Variants in ZNF12 observed in about 807,000 individuals in gnomAD.
ZNF12 encodes the protein zinc finger protein 12, also known as gonadotropin inducible transcription repressor 3.
In ZNF12, 34 loss-of-function variants were observed where a neutral mutation model predicts 66.6. The ratio of observed to expected loss-of-function variants is 0.51; its 90% CI spans 0.39 to 0.68. ZNF12 has a LOEUF of 0.68. ZNF12 is among the 30% of genes least tolerant of loss of function. ZNF12 has a pLI of 0.00. For synonymous variants in ZNF12, 320 were observed against 278.9 expected, an observed-to-expected ratio of 1.15 and a Z score of -1.47; for missense variants, 697 against 826.9, an observed-to-expected ratio of 0.84 and a Z score of 1.93.
chr7:6,694,923 C>T (rs369035585), intron 4 of ZNF12, among the ~76,000 whole-genome samples: 1 of 152,070 alleles, frequency 6.6e-6, no homozygotes, highest in Non-Finnish European at 1.5e-5. Context: ...CTTCATGCAG[C>T]GCTGTTCTCT....
In ZNF12 at chr7:6,697,655, T is replaced by A. The variant is rs780661980; in HGVS notation, c.142+30A>T. 8.7e-6 allele frequency: 14 copies of A among 1,612,848 alleles called. No homozygotes were observed. The East Asian group carries it at 3.1e-4, about 36-fold the overall frequency. On this transcript the variant is annotated intron_variant, in intron 3 of 4. Coordinates refer to ENST00000405858, the MANE Select transcript of ZNF12 (RefSeq NM_016265.4). This position sits in a 1 kb window ranked among gnomAD's most constrained non-coding sequence, Gnocchi z 6.1. ...AAATTTGTGAGAAATCCCATATATT[T>A]TAGCAACTGAGAAAGCAAGCTATCC... is the stretch of plus-strand genomic sequence containing the variant.
Position 6,692,705 on chromosome 7 carries a change from T to G in ZNF12, c.239-2A>C. Reference sequence around the variant, plus strand: ...GGTCATCAGTTTGCCAGACTTCATCTAAAGAGAGACAAAATTAATAAACTT... The same window carrying G: ...GGTCATCAGTTTGCCAGACTTCATCGAAAGAGAGACAAAATTAATAAACTT... On this transcript the variant is annotated splice_acceptor_variant, in intron 4 of 4. Transcript: ENST00000405858. LOFTEE classifies it high-confidence loss of function. The surrounding 1 kb of genome is among the most constrained non-coding windows in gnomAD (Gnocchi z 5.1). The G allele has an allele frequency of 6.4e-7, 1 of 1,555,462 alleles. No homozygotes were observed. Among genetic ancestry groups the G allele is most frequent in the Non-Finnish European group, 8.6e-7 (1 of 1,157,382 alleles).
At chr7:6,700,158 A>G (rs10226798) in intron 2 of ZNF12, among the ~76,000 whole-genome samples, 68,455 of 151,126 alleles carry the variant, frequency 0.45, 19,213 homozygotes, top group African/African-American at 0.81. Context: ...GGTGGCAGGC[A>G]CCTGTAGTCC....
At chr7:6,694,788 T>C (rs1224598098) in intron 4 of ZNF12, among the ~76,000 whole-genome samples, 2 of 152,210 alleles carry the variant, frequency 1.3e-5, no homozygotes, top group African/African-American at 4.8e-5. Flanking sequence ...TCTCAAATCC[T>C]TTCTCACCTC....
chr7:6,697,800 T>C lies in ZNF12; in HGVS notation c.27A>G (p.Ser9=). The change falls in exon 3 of 5, where the codon TCA becomes TCG. Residue 9 remains serine, a synonymous_variant. Transcript: ENST00000405858. The surrounding 1 kb of genome is among the most constrained non-coding windows in gnomAD (Gnocchi z 6.1). ...TGAAGTCCACAGCCACGTCCTTGAA[T>C]GACACTGGCCCCTGAAATGGCACCG... MNKSLGPV[S]FKDVAVDFTQ... The C allele has an allele frequency of 6.2e-7, 1 of 1,614,162 alleles. No homozygotes were observed.
At chr7:6,706,319 C>T (rs1011218812) in intron 1 of ZNF12, 113 bp downstream of exon 1, 1 of 443,038 alleles carries the variant, frequency 2.3e-6, no homozygotes, top group South Asian at 1.6e-5. Flanking sequence ...CCCAAACACA[C>T]GTCACTCCTG....
Position 6,698,565 on chromosome 7 carries a change from C to G in ZNF12, c.16-754G>C, listed in dbSNP as rs1562600762. Among the ~76,000 whole-genome samples, 1 of 152,182 alleles carries G rather than the reference C, an allele frequency of 6.6e-6. No individual in the cohort carries two copies. Among genetic ancestry groups the G allele is most frequent in the South Asian group, 2.1e-4 (1 of 4,818 alleles). On this transcript the variant is annotated intron_variant, in intron 2 of 4. Transcript: ENST00000405858. The surrounding 1 kb of genome is among the most constrained non-coding windows in gnomAD (Gnocchi z 4.4). ...TTACCAAAATAACAAACAGGCTGGG[C>G]AACACACATTCTAGTTTTTATTTTT... is the stretch of plus-strand genomic sequence containing the variant.
intron 2 of ZNF12, among the ~76,000 whole-genome samples, chr7:6,702,026 C>G (rs935177749): frequency 6.6e-6 from 1 of 151,634 alleles, no homozygotes; most frequent in Non-Finnish European, 1.5e-5. Flanking sequence ...CCTCTCCAAT[C>G]AGGATTTCCC....
chr7:6,699,745 C>G (rs907364890), intron 2 of ZNF12, among the ~76,000 whole-genome samples: 2 of 152,110 alleles, frequency 1.3e-5, no homozygotes, highest in Non-Finnish European at 2.9e-5. Context: ...TGATATCTGT[C>G]AGGATGGTCA....
Position 6,692,723 on chromosome 7 carries a change from A to G in ZNF12, c.239-20T>C. On this transcript the variant is annotated intron_variant, in intron 4 of 4. Transcript: ENST00000405858. The surrounding 1 kb of genome is among the most constrained non-coding windows in gnomAD (Gnocchi z 5.1). Reference sequence around the variant, plus strand: ...CTTCATCTAAAGAGAGACAAAATTAATAAACTTTTGTACATCTTCCTATAT... The same window carrying G: ...CTTCATCTAAAGAGAGACAAAATTAGTAAACTTTTGTACATCTTCCTATAT... 2.0e-6 allele frequency: 3 copies of G among 1,538,344 alleles called. No homozygotes were observed. Among genetic ancestry groups the G allele is most frequent in the Non-Finnish European group, 2.6e-6 (3 of 1,149,208 alleles).
Position 6,705,282 on chromosome 7 carries a change from A to C in ZNF12, c.-50-59T>G. On this transcript the variant is annotated intron_variant, in intron 1 of 4. Coordinates refer to ENST00000405858, the MANE Select transcript of ZNF12 (RefSeq NM_016265.4). The surrounding 1 kb of genome is among the most constrained non-coding windows in gnomAD (Gnocchi z 4.0). ...AGCGGTCTGGCCTGCCAAGGCGGTC[A>C]TCTCCCGCCCAAAACCTACACAGAA... is the stretch of plus-strand genomic sequence containing the variant. 1 of 1,330,936 alleles carries C rather than the reference A, an allele frequency of 7.5e-7. No homozygotes were observed. The highest frequency in any genetic ancestry group is 1.1e-6 in the Non-Finnish European group (1 of 942,382). The allele number at this position is 1,330,936 out of a possible 1,614,324, so 82.4% of individuals were successfully genotyped here.
chr7:6,691,556 C>G lies in ZNF12; in HGVS notation c.1386G>C (p.Glu462Asp). The G allele has an allele frequency of 1.9e-6, 3 of 1,614,122 alleles. No homozygotes were observed. Among genetic ancestry groups the G allele is most frequent in the Non-Finnish European group, 2.5e-6 (3 of 1,179,990 alleles). Reference protein sequence around the residue: ...LTVHYRTHSGEKPYECNECGK... With the variant: ...LTVHYRTHSGDKPYECNECGK... ...CACATTCATTACATTCATAGGGTTTCTCTCCTGAATGAGTTCTATAATGTA... is the reference window on the plus strand; with the variant it reads ...CACATTCATTACATTCATAGGGTTTGTCTCCTGAATGAGTTCTATAATGTA... The change falls in exon 5 of 5, where the codon GAG becomes GAC. Residue 462 changes from glutamate (E) to aspartate (D), a missense_variant. By Grantham distance (45) the Glu-to-Asp change is conservative. This residue lies in a region of ZNF12 where 401 missense variants were observed against 519.0 expected (regional missense o/e 0.77). Coordinates refer to ENST00000405858, the MANE Select transcript of ZNF12 (RefSeq NM_016265.4).
At chr7:6,700,018 G>A (rs907438588) in intron 2 of ZNF12, among the ~76,000 whole-genome samples, 1 of 151,744 alleles carries the variant, frequency 6.6e-6, no homozygotes, top group Non-Finnish European at 1.5e-5. Context: ...GGGCGTGGTG[G>A]CTCACACCTG....
chr7:6,704,230 T>G (rs1357074473), intron 2 of ZNF12: 3 of 151,218 alleles, frequency 2.0e-5, no homozygotes, highest in African/African-American at 7.3e-5. Context: ...TCGCAGCTAC[T>G]CGGGAGGCTA....
At chr7:6,694,178 C>A (rs1277889343) in intron 4 of ZNF12, among the ~76,000 whole-genome samples, 5 of 149,322 alleles carry the variant, frequency 3.3e-5, no homozygotes, top group African/African-American at 1.0e-4. Context: ...AAAAAAAAAA[C>A]AAAACAAACA....
rs560109081 is a variant in ZNF12, at chr7:6,701,240, A to G, written c.16-3429T>C. Among the ~76,000 whole-genome samples the G allele has an allele frequency of 2.6e-5, 4 of 152,328 alleles. No individual in the cohort carries two copies. The South Asian group carries it at 6.2e-4, about 24-fold the overall frequency. On this transcript the variant is annotated intron_variant, in intron 2 of 4. Transcript: ENST00000405858. ...CCCATGATCTCCCATAATTACATCC[A>G]TGAATTACCTCCTCCAAGGAGAACA...
At position 6,697,827 on chromosome 7, in the gene ZNF12, G is replaced by C; in HGVS notation, c.16-16C>G. The C allele has an allele frequency of 6.2e-7, 1 of 1,614,026 alleles. No homozygotes were observed. The highest frequency in any genetic ancestry group is 8.5e-7 in the Non-Finnish European group (1 of 1,180,016). The stretch of plus-strand genomic sequence containing the variant: ...ACACTGGCCCCTGAAATGGCACCGT[G>C]ATTGGAATTGGGTGACGTGAAATAG... On this transcript the variant is annotated splice_polypyrimidine_tract_variant and intron_variant, in intron 2 of 4. Coordinates refer to ENST00000405858, the MANE Select transcript of ZNF12 (RefSeq NM_016265.4). This position sits in a 1 kb window ranked among gnomAD's most constrained non-coding sequence, Gnocchi z 6.1.
chr7:6,701,251 C>T (rs1362330916), intron 2 of ZNF12, among the ~76,000 whole-genome samples: 1 of 152,172 alleles, frequency 6.6e-6, no homozygotes, highest in African/African-American at 2.4e-5. Context: ...TGAATTACCT[C>T]CTCCAAGGAG....
rs768269262 is a variant in ZNF12, at chr7:6,692,117, C to G, written c.825G>C (p.Gly275=). The G allele has an allele frequency of 4.3e-6, 7 of 1,613,992 alleles. No individual in the cohort carries two copies. In the South Asian group the frequency reaches 6.6e-5, roughly 15 times the overall value. The change falls in exon 5 of 5, where the codon GGG becomes GGC. Residue 275 remains glycine (G), a synonymous_variant. Transcript: ENST00000405858. The surrounding 1 kb of genome is among the most constrained non-coding windows in gnomAD (Gnocchi z 5.1). ...ATTTTGACTTTTTACAGAAGGATTT[C>G]CCACATTCACTGCATTCATAGGGCT... ...EMKPYECSEC[G]KSFCKKSKFI...
Sources: gnomAD v4.1 joint callset for allele counts (sites outside exome capture counted in the v4.1 genomes callset) on GRCh38, gnomAD v4.1.1 for gene constraint, gnomAD v4.1.1 regional missense constraint, Gnocchi (gnomAD v3.1) non-coding constraint, MANE v1.5 for transcripts, NCBI Gene and HGNC (gene_info 2026-07-23, HGNC 2026-07-21) for gene names.